The following TENT2 variants were observed in gnomAD, a reference collection of about 807,000 sequenced individuals.
The protein encoded by TENT2 is terminal nucleotidyltransferase 2, also known as poly(A) RNA polymerase GLD2.
TENT2 carries 44 observed loss-of-function variants against 72.2 expected under a neutral mutation model. The observed-to-expected ratio is 0.61, with a 90% CI of 0.48 to 0.78. TENT2 has a LOEUF of 0.78. Ranked by LOEUF, TENT2 falls within the 30% of genes least tolerant of loss-of-function variation. The pLI is 0.00. For missense variants in TENT2, 541 were observed against 569.6 expected, an observed-to-expected ratio of 0.95 and a Z score of 0.51; for synonymous variants, 212 against 192.5, an observed-to-expected ratio of 1.10 and a Z score of -0.84.
intron 3 of TENT2, 50 bp downstream of exon 3, chr5:79,620,133 C>A: frequency 7.9e-7 from 1 of 1,260,566 alleles, no homozygotes; most frequent in Non-Finnish European, 1.1e-6. Flanking sequence ...TTTCTGAGAA[C>A]TCTGTAATGA....
intron 12 of TENT2, among the ~76,000 whole-genome samples, chr5:79,676,160 G>GTA (rs1468057125): frequency 2.5e-5 from 3 of 119,792 alleles, no homozygotes; most frequent in South Asian, 2.7e-4. Flanking sequence ...ACATATATAT[G>GTA]TATACACACA....
At chr5:79,628,582 G>A (rs1164512763) in intron 4 of TENT2, among the ~76,000 whole-genome samples, 3 of 152,146 alleles carry the variant, frequency 2.0e-5, no homozygotes, top group Non-Finnish European at 1.5e-5. Context: ...ATAACTGAGT[G>A]TAGAAGAGAG....
At chr5:79,643,675 C>T (rs796433431) in intron 7 of TENT2, among the ~76,000 whole-genome samples, 16 of 152,148 alleles carry the variant, frequency 1.1e-4, no homozygotes, top group African/African-American at 3.6e-4. Flanking sequence ...TTTCAGTGGA[C>T]CTTCTGCATT....
chr5:79,619,569 T>G, intron 1 of TENT2, 43 bp from the exon 2 acceptor site: 1 of 1,381,888 alleles, frequency 7.2e-7, no homozygotes, highest in African/African-American at 1.5e-5. Context: ...TTTAGTGTCT[T>G]TAAGCTATGA....
rs967507092 is a variant in TENT2 at position 79,641,170 on chromosome 5, T to G, written c.646T>G (p.Leu216Val). 2 of 1,578,746 alleles carry G rather than the reference T, an allele frequency of 1.3e-6. No homozygotes were observed. Among genetic ancestry groups the G allele is most frequent in the African/African-American group, 2.8e-5 (2 of 72,450 alleles). The change falls in exon 6 of 15, where the codon TTA becomes GTA. Residue 216 changes from leucine to valine, a missense_variant. Transcript: ENST00000453514. ...TGGTACCCGGAGCAGTGATGGTGAT[T>G]TATGCCTAGTTGTTAAGGAAGAACC... The part of the protein sequence containing the change: ...GFGTRSSDGD[L>V]CLVVKEEPCF...
intron 7 of TENT2, among the ~76,000 whole-genome samples, chr5:79,644,287 A>G (rs773700838): frequency 4.6e-5 from 7 of 152,038 alleles, no homozygotes; most frequent in Non-Finnish European, 8.8e-5. Flanking sequence ...CAGCTGATAT[A>G]TATTCTGTAA....
chr5:79,679,399 A>G (rs1353636002), intron 12 of TENT2, among the ~76,000 whole-genome samples, 180 bp from the exon 13 acceptor site: 1 of 151,716 alleles, frequency 6.6e-6, no homozygotes, highest in East Asian at 1.9e-4. Flanking sequence ...TTAGAAGATG[A>G]TAAGTGTTGT....
intron 11 of TENT2, among the ~76,000 whole-genome samples, chr5:79,657,617 T>G (rs1798851147): frequency 6.6e-6 from 1 of 152,192 alleles, no homozygotes; most frequent in Non-Finnish European, 1.5e-5. Context: ...AGGTTATGTA[T>G]GTATTCATAA....
In TENT2 at chr5:79,623,433, C is replaced by T. The variant is rs774356601; in HGVS notation, c.409C>T (p.Arg137Ter). The change falls in exon 4 of 15, where the codon CGA becomes TGA. Residue 137 changes from arginine (R) to a stop codon, truncating the protein, a stop_gained. Coordinates refer to ENST00000453514, the MANE Select transcript of TENT2 (RefSeq NM_001114394.3). LOFTEE classifies it high-confidence loss of function. Reference protein sequence around the residue: ...PDIVRCVPPFREIAFLEPREI... With the variant: ...PDIVRCVPPF ...TATAGTCAGATGTGTTCCACCTTTT[C>T]GAGAAATTGCATTTTTAGAACCTAG... The T allele has an allele frequency of 2.5e-6, 4 of 1,611,294 alleles. No homozygotes were observed. The highest frequency in any genetic ancestry group is 2.2e-5 in the South Asian group (2 of 90,672).
chr5:79,614,280 T>G (rs992929293), intron 1 of TENT2, among the ~76,000 whole-genome samples: 1 of 151,958 alleles, frequency 6.6e-6, no homozygotes, highest in Non-Finnish European at 1.5e-5. Context: ...TTTTTGTATT[T>G]TTAGTAGAGG....
rs1046015821 is a variant in TENT2 at position 79,612,664 on chromosome 5, C to T, written c.-449C>T. 1.3e-5 allele frequency: 2 copies of T among 152,796 alleles called. No homozygotes were observed. The highest frequency in any genetic ancestry group is 2.9e-5 in the Non-Finnish European group (2 of 68,194). 9.5% of individuals were successfully genotyped at this position (152,796 alleles called of 1,614,324 possible). ...CTGTCCCACGGGCCACCACTACCTCCTTTGGTTCGGGAGAAAGCTACGACC... is the reference window on the plus strand; with the variant it reads ...CTGTCCCACGGGCCACCACTACCTCTTTTGGTTCGGGAGAAAGCTACGACC... On this transcript the variant is annotated 5_prime_UTR_variant, in exon 1 of 15. Transcript: ENST00000453514.
At chr5:79,627,299 G>A (rs1164107733) in intron 4 of TENT2, among the ~76,000 whole-genome samples, 1 of 152,112 alleles carries the variant, frequency 6.6e-6, no homozygotes, top group Non-Finnish European at 1.5e-5. Flanking sequence ...TGCATATGGA[G>A]TAGGCAAATT....
At chr5:79,641,266 C>T (rs1784220686) in intron 6 of TENT2, 70 bp downstream of exon 6, 1 of 1,334,004 alleles carries the variant, frequency 7.5e-7, no homozygotes, top group Non-Finnish European at 1.0e-6. Flanking sequence ...ACATAAAAGT[C>T]ATTGAGGGAA....
At chr5:79,673,534 A>G (rs539510004) in intron 12 of TENT2, among the ~76,000 whole-genome samples, 3 of 151,716 alleles carry the variant, frequency 2.0e-5, no homozygotes, top group Admixed American at 2.0e-4. Context: ...TCCCAGCACT[A>G]TTTATTGAAG....
Position 79,686,991 on chromosome 5 carries a change from C to G in TENT2, c.*1718C>G, listed in dbSNP as rs1826249066. Among the ~76,000 whole-genome samples the G allele has an allele frequency of 6.6e-6, 1 of 152,222 alleles. No homozygotes were observed. The highest frequency in any genetic ancestry group is 2.1e-4 in the South Asian group (1 of 4,822). ...CATAGTACTATTCAGTAATACTGTGCAACTTTCAGGGATGGGTAAGTATGT... is the reference window on the plus strand; with the variant it reads ...CATAGTACTATTCAGTAATACTGTGGAACTTTCAGGGATGGGTAAGTATGT... On this transcript the variant is annotated 3_prime_UTR_variant, in exon 15 of 15. Coordinates refer to ENST00000453514, the MANE Select transcript of TENT2 (RefSeq NM_001114394.3).
At chr5:79,628,537 G>C (rs945855030) in intron 4 of TENT2, among the ~76,000 whole-genome samples, 1 of 152,164 alleles carries the variant, frequency 6.6e-6, no homozygotes, top group African/African-American at 2.4e-5. Context: ...AGATGTGGGA[G>C]ATAATGTATA....
chr5:79,633,414 G>T (rs868196328), intron 4 of TENT2, among the ~76,000 whole-genome samples: 1 of 146,800 alleles, frequency 6.8e-6, no homozygotes, highest in South Asian at 2.2e-4. Context: ...ATTAGGTCTC[G>T]GTATTTCCAG....
chr5:79,685,219 C>T lies in TENT2; in HGVS notation c.1401C>T (p.Asn467=). 6.2e-7 allele frequency: 1 copy of T among 1,607,436 alleles called. No homozygotes were observed. The highest frequency in any genetic ancestry group is 1.1e-5 in the South Asian group (1 of 89,126). ...CCCAGTCATGGCACAGATTGAAAAA[C>T]AAGAGAGATTTGAACAGTATACTAC... is the stretch of plus-strand genomic sequence containing the variant. ...QFLKSWHRLK[N]KRDLNSILPV... The change falls in exon 15 of 15, where the codon AAC becomes AAT. Residue 467 remains asparagine (N), a synonymous_variant. Transcript: ENST00000453514.
At chr5:79,627,735 T>C (rs186327239) in intron 4 of TENT2, among the ~76,000 whole-genome samples, 1 of 152,324 alleles carries the variant, frequency 6.6e-6, no homozygotes, top group East Asian at 1.9e-4. Flanking sequence ...ACCACCCGCC[T>C]CAGCTTCCCA....
Sources: gnomAD v4.1 joint callset for allele counts (sites outside exome capture counted in the v4.1 genomes callset) on GRCh38, gnomAD v4.1.1 for gene constraint, MANE v1.5 for transcripts, NCBI Gene and HGNC (gene_info 2026-07-23, HGNC 2026-07-21) for gene names.